Variants in CHSY3 observed in about 807,000 individuals in gnomAD.
The protein encoded by CHSY3 is chondroitin sulfate synthase 3, also known as N-acetylgalactosaminyl-proteoglycan 3-beta-glucuronosyltransferase 3.
A neutral mutation model predicts 67.2 loss-of-function variants in CHSY3; 35 were observed. That is an observed-to-expected ratio of 0.52 (90% CI 0.40 to 0.69). The LOEUF is 0.69. Ranked by LOEUF, CHSY3 falls within the 30% of genes least tolerant of loss-of-function variation. CHSY3 has a pLI of 0.00. For missense variants in CHSY3, 1,069 were observed against 1,138.5 expected (o/e 0.94, Z 0.88); for synonymous variants, 474 against 434.7 (o/e 1.09, Z -1.12).
chr5:130,003,627 C>A (rs527743701), intron 2 of CHSY3, among the ~76,000 whole-genome samples: 2 of 152,022 alleles, frequency 1.3e-5, no homozygotes, highest in Admixed American at 1.3e-4. Context: ...TAGGACAAAG[C>A]AACATTTACT....
intron 2 of CHSY3, among the ~76,000 whole-genome samples, chr5:130,142,476 A>G (rs1768897634): frequency 6.6e-6 from 1 of 152,218 alleles, no homozygotes; most frequent in Non-Finnish European, 1.5e-5. Flanking sequence ...GCTTTTAGCT[A>G]ACAAAGAAAT....
chr5:129,994,411 C>G (rs1763466285), intron 2 of CHSY3, among the ~76,000 whole-genome samples: 1 of 152,092 alleles, frequency 6.6e-6, no homozygotes, highest in African/African-American at 2.4e-5. Flanking sequence ...TTGTTCATGT[C>G]TTTTTATTCT....
chr5:129,946,940 G>A (rs773601427), intron 2 of CHSY3, among the ~76,000 whole-genome samples: 1 of 152,120 alleles, frequency 6.6e-6, no homozygotes, highest in Non-Finnish European at 1.5e-5. Flanking sequence ...TACATACCCA[G>A]ATGTGGGATT....
At chr5:129,963,409 A>G (rs1403397721) in intron 2 of CHSY3, among the ~76,000 whole-genome samples, 2 of 152,038 alleles carry the variant, frequency 1.3e-5, no homozygotes, top group Non-Finnish European at 2.9e-5. Flanking sequence ...AGAGTCCAGC[A>G]TGAGCAGCTC....
At chr5:129,974,845 T>C (rs867196770) in intron 2 of CHSY3, 54 of 152,322 alleles carry the variant, frequency 3.5e-4, no homozygotes, top group African/African-American at 1.2e-3. Flanking sequence ...TTGTGTAAGC[T>C]ATAGTGTAGA....
Position 129,997,002 on chromosome 5 carries a change from C to T in CHSY3, c.1086+88642C>T, listed in dbSNP as rs145652284. Reference sequence around the variant, plus strand: ...TCCATATAAAGACCAGTGTTTTGTTCATAACTATGCCTTCTGTCAATACTT... The same window carrying T: ...TCCATATAAAGACCAGTGTTTTGTTTATAACTATGCCTTCTGTCAATACTT... On this transcript the variant is annotated intron_variant, in intron 2 of 2. Coordinates refer to ENST00000305031, the MANE Select transcript of CHSY3 (RefSeq NM_175856.5). Among the ~76,000 whole-genome samples, 134 of 151,974 alleles carry T rather than the reference C, an allele frequency of 8.8e-4. No homozygotes were observed. In the East Asian group the frequency reaches 0.024, roughly 27 times the overall value.
At chr5:129,905,867 A>G in intron 1 of CHSY3, 11 of 820,690 alleles carry the variant, frequency 1.3e-5, no homozygotes, top group Admixed American at 7.8e-5. Context: ...CGCCTTCCTC[A>G]CTTGCTGTTT....
intron 2 of CHSY3, among the ~76,000 whole-genome samples, chr5:130,182,721 T>C (rs1580806919): frequency 6.6e-6 from 1 of 152,026 alleles, no homozygotes; most frequent in East Asian, 1.9e-4. Context: ...CCTACTGATC[T>C]GGCACTAATT....
intron 2 of CHSY3, among the ~76,000 whole-genome samples, chr5:130,153,311 C>T (rs1321303010): frequency 6.6e-6 from 1 of 151,678 alleles, no homozygotes; most frequent in African/African-American, 2.4e-5. Flanking sequence ...AAAAAAAAAA[C>T]ATACGACATA....
chr5:129,906,481 G>A lies in CHSY3; in HGVS notation c.802+850G>A, dbSNP rs571224899. Among the ~76,000 whole-genome samples the A allele has an allele frequency of 4.6e-4, 70 of 152,306 alleles. 1 individual carries two copies. In the East Asian group the frequency reaches 9.3e-3, roughly 20 times the overall value. ...TTTGTTGGCCGCGGTGATAAGCAGA[G>A]GCTGGAAGTCCTTCCCAGAACCACA... On this transcript the variant is annotated intron_variant, in intron 1 of 2. Transcript: ENST00000305031.
chr5:130,069,964 T>A (rs941274831), intron 2 of CHSY3, among the ~76,000 whole-genome samples: 4 of 152,104 alleles, frequency 2.6e-5, no homozygotes, highest in African/African-American at 9.6e-5. Flanking sequence ...CATTTAATAT[T>A]GACATTTATC....
intron 2 of CHSY3, among the ~76,000 whole-genome samples, chr5:130,166,512 T>G (rs1769752883): frequency 6.6e-6 from 1 of 152,148 alleles, no homozygotes; most frequent in Non-Finnish European, 1.5e-5. Context: ...CTCAAGTCCT[T>G]GTATCTTCAT....
chr5:130,142,168 T>C (rs73788414), intron 2 of CHSY3, among the ~76,000 whole-genome samples: 12,894 of 152,198 alleles, frequency 0.085, 947 homozygotes, highest in East Asian at 0.27. Flanking sequence ...TCTTAAACAA[T>C]TGTATTTAAA....
intron 2 of CHSY3, among the ~76,000 whole-genome samples, chr5:129,951,221 T>G (rs1001039274): frequency 2.0e-5 from 3 of 152,160 alleles, no homozygotes; most frequent in Admixed American, 6.5e-5. Flanking sequence ...AATCCTTATC[T>G]TACATCACTC....
At chr5:129,924,506 C>T (rs905893040) in intron 2 of CHSY3, among the ~76,000 whole-genome samples, 1 of 151,864 alleles carries the variant, frequency 6.6e-6, no homozygotes, top group African/African-American at 2.4e-5. Flanking sequence ...ATTAGCCAGG[C>T]ATGGTGGCAT....
intron 2 of CHSY3, chr5:130,140,275 G>C: frequency 2.6e-6 from 1 of 383,992 alleles, no homozygotes; most frequent in Non-Finnish European, 4.6e-6. Flanking sequence ...TGAGGATACT[G>C]TTGTCCAGTC....
At chr5:130,049,355 T>A (rs1483543674) in intron 2 of CHSY3, among the ~76,000 whole-genome samples, 1 of 152,118 alleles carries the variant, frequency 6.6e-6, no homozygotes, top group East Asian at 1.9e-4. Flanking sequence ...GCTGGGAACA[T>A]GCTTGCATAG....
At chr5:130,155,507 C>T (rs1327701780) in intron 2 of CHSY3, among the ~76,000 whole-genome samples, 1 of 152,196 alleles carries the variant, frequency 6.6e-6, no homozygotes, top group Non-Finnish European at 1.5e-5. Context: ...CGTTTCTTTT[C>T]CTCTACTGAG....
intron 2 of CHSY3, chr5:130,140,305 T>C (rs1768820380): frequency 2.1e-6 from 1 of 478,088 alleles, no homozygotes; most frequent in Admixed American, 3.5e-5. Context: ...GCATCAGCCC[T>C]TCATAGTGGT....
Sources: allele counts gnomAD v4.1 joint callset (sites outside exome capture counted in the v4.1 genomes callset), GRCh38; gene constraint gnomAD v4.1.1; transcripts MANE v1.5; gene names NCBI Gene and HGNC (gene_info 2026-07-23, HGNC 2026-07-21).